SLC44A3: variants seen among roughly 807,000 people sequenced by gnomAD.
SLC44A3 encodes the protein choline transporter-like protein 3.
In SLC44A3, 74 loss-of-function variants were observed where a neutral mutation model predicts 75.4. The ratio of observed to expected loss-of-function variants is 0.98; its 90% CI spans 0.81 to 1.19. SLC44A3 has a LOEUF of 1.19. Ranked by LOEUF, SLC44A3 falls within the 50% of genes most tolerant of loss-of-function variation. SLC44A3 has a pLI of 0.00. For missense variants in SLC44A3, 700 were observed against 778.6 expected, an observed-to-expected ratio of 0.90 and a Z score of 1.20; for synonymous variants, 310 against 296.9, an observed-to-expected ratio of 1.04 and a Z score of -0.45.
chr1:94,837,963 GT>G, intron 6 of SLC44A3, 92 bp downstream of exon 6: 2 of 1,148,844 alleles, frequency 1.7e-6, no homozygotes, highest in Non-Finnish European at 2.4e-6. Flanking sequence ...TTAGCCTCTT[GT>G]TTTAAATATA....
chr1:94,834,651 G>A (rs3916287), intron 5 of SLC44A3, among the ~76,000 whole-genome samples: 82,430 of 151,630 alleles, frequency 0.54, 22,486 homozygotes, highest in East Asian at 0.69. Flanking sequence ...CACCTGGCTA[G>A]TTTTTGTATT....
In SLC44A3 at chr1:94,828,565, C is replaced by T; in HGVS notation, c.488C>T (p.Pro163Leu). ...THSPKADSLC[P>L]RLPVPPSKSF... ...AGTCCAAAAGCAGACTCACTGTGTC[C>T]CAGGCTACCAGTTCCTCCAAGGTAA... is the stretch of plus-strand genomic sequence containing the variant. The change falls in exon 5 of 15, where the codon CCC (proline) becomes CTC (leucine). Residue 163 changes from proline to leucine, a missense_variant. Transcript: ENST00000271227. 1 of 1,613,744 alleles carries T rather than the reference C, an allele frequency of 6.2e-7. No homozygotes were observed. The highest frequency in any genetic ancestry group is 8.5e-7 in the Non-Finnish European group (1 of 1,179,822).
rs1028563007 is a variant in SLC44A3, at chr1:94,884,791, G to A, written c.1483-6339G>A. On this transcript the variant is annotated intron_variant, in intron 12 of 14. Transcript: ENST00000271227. ...AAAGGCTGAGCTGTGCTGGCTAAGC[G>A]TTTGATTTCAGGAGTAAAAAAACGC... 6.6e-5 allele frequency among the ~76,000 whole-genome samples: 10 copies of A among 152,190 alleles called. No individual in the cohort carries two copies. In the East Asian group the frequency reaches 1.2e-3, roughly 18 times the overall value.
intron 1 of SLC44A3, 179 bp from the exon 2 acceptor site, chr1:94,820,770 A>G: frequency 7.1e-7 from 1 of 1,401,796 alleles, no homozygotes; most frequent in East Asian, 2.5e-5. Context: ...CGCGCAGAGC[A>G]GGTGTTTCAA....
In SLC44A3 at chr1:94,881,458, G is replaced by T. The variant is rs555967194; in HGVS notation, c.1483-9672G>T. On this transcript the variant is annotated intron_variant, in intron 12 of 14. Coordinates refer to ENST00000271227, the MANE Select transcript of SLC44A3 (RefSeq NM_001114106.3). ...GGTGGCTGATGCCTGTAATCCCAGC[G>T]CTTTGGGAGGCTGAGGCGGGCGGAT... Among the ~76,000 whole-genome samples, 6 of 151,990 alleles carry T rather than the reference G, an allele frequency of 3.9e-5. No homozygotes were observed. The East Asian group carries it at 9.7e-4, about 25-fold the overall frequency.
intron 12 of SLC44A3, among the ~76,000 whole-genome samples, chr1:94,887,730 G>A (rs1669743218): frequency 6.6e-6 from 1 of 152,166 alleles, no homozygotes. Context: ...GTGGGGAAGT[G>A]ATGGGGTGGT....
chr1:94,827,247 C>A (rs1464660738), intron 3 of SLC44A3, among the ~76,000 whole-genome samples: 1 of 152,194 alleles, frequency 6.6e-6, no homozygotes, highest in Non-Finnish European at 1.5e-5. Context: ...TCTCAGGTAA[C>A]TCCCTAGTGC....
intron 14 of SLC44A3, 25 bp from the exon 15 acceptor site, chr1:94,894,793 T>TCTAA (rs1333262205): frequency 1.3e-6 from 2 of 1,584,950 alleles, no homozygotes; most frequent in Admixed American, 1.7e-5. Context: ...ATAATACTAT[T>TCTAA]CTAACTTGTT....
chr1:94,825,149 T>G (rs562186138), intron 3 of SLC44A3, among the ~76,000 whole-genome samples: 4 of 152,286 alleles, frequency 2.6e-5, no homozygotes, highest in African/African-American at 9.6e-5. Context: ...TGTTGCATTC[T>G]TCCCCCTACT....
At chr1:94,844,419 G>A (rs1452231833) in intron 8 of SLC44A3, among the ~76,000 whole-genome samples, 1 of 152,156 alleles carries the variant, frequency 6.6e-6, no homozygotes. Flanking sequence ...TCAGCATCTA[G>A]GAAGGATGCT....
chr1:94,844,424 G>A (rs1288838034), intron 8 of SLC44A3, among the ~76,000 whole-genome samples: 3 of 152,198 alleles, frequency 2.0e-5, no homozygotes. Flanking sequence ...ATCTAGGAAG[G>A]ATGCTGAAAG....
At chr1:94,847,576 A>G (rs923922601) in intron 9 of SLC44A3, among the ~76,000 whole-genome samples, 9 of 152,330 alleles carry the variant, frequency 5.9e-5, no homozygotes, top group Admixed American at 5.2e-4. Context: ...AAGTCTCAGC[A>G]TTGGATGGCC....
intron 5 of SLC44A3, among the ~76,000 whole-genome samples, chr1:94,830,626 TA>T (rs1300226225): frequency 6.6e-6 from 1 of 151,498 alleles, no homozygotes; most frequent in Admixed American, 6.6e-5. Flanking sequence ...GAACCCAATT[TA>T]AAAAAAAACT....
intron 2 of SLC44A3, 150 bp from the exon 3 acceptor site, chr1:94,824,343 G>A: frequency 1.3e-6 from 1 of 789,484 alleles, no homozygotes. Flanking sequence ...GATGGGAGTT[G>A]CTGACACTGT....
At chr1:94,873,857 G>A (rs903018837) in intron 12 of SLC44A3, among the ~76,000 whole-genome samples, 1 of 152,198 alleles carries the variant, frequency 6.6e-6, no homozygotes, top group African/African-American at 2.4e-5. Flanking sequence ...GGAAAATGAT[G>A]TAAAGTTTCT....
chr1:94,849,489 C>T (rs1557838359), intron 9 of SLC44A3, among the ~76,000 whole-genome samples: 1 of 152,164 alleles, frequency 6.6e-6, no homozygotes, highest in African/African-American at 2.4e-5. Flanking sequence ...GAGAGCCTGG[C>T]TCTGCGGCTG....
intron 5 of SLC44A3, among the ~76,000 whole-genome samples, chr1:94,834,116 T>G (rs1048706951): frequency 6.6e-6 from 1 of 152,210 alleles, no homozygotes; most frequent in Admixed American, 6.5e-5. Context: ...ATTCTGAAAT[T>G]ACATACTAGA....
At chr1:94,829,056 TG>T (rs1209869616) in intron 5 of SLC44A3, among the ~76,000 whole-genome samples, 1 of 152,118 alleles carries the variant, frequency 6.6e-6, no homozygotes, top group African/African-American at 2.4e-5. Flanking sequence ...CTGGCCAACG[TG>T]GTGAATCCCC....
intron 5 of SLC44A3, among the ~76,000 whole-genome samples, chr1:94,830,226 T>A (rs1005167366): frequency 6.6e-5 from 10 of 152,212 alleles, no homozygotes; most frequent in African/African-American, 2.4e-4. Context: ...ATATTCTTTT[T>A]TTTGAGACAG....
Sources: allele counts gnomAD v4.1 joint callset (sites outside exome capture counted in the v4.1 genomes callset), GRCh38; gene constraint gnomAD v4.1.1; transcripts MANE v1.5; gene names NCBI Gene and HGNC (gene_info 2026-07-23, HGNC 2026-07-21).